Variants in NCOA6 observed in about 807,000 individuals in gnomAD.
The protein encoded by NCOA6 is NRC RAP250.
A neutral mutation model predicts 171.4 loss-of-function variants in NCOA6; 49 were observed. That is an observed-to-expected ratio of 0.29 (90% confidence interval 0.23 to 0.36). The LOEUF (loss-of-function observed/expected upper bound fraction) is 0.36. Among genes scored for constraint, NCOA6 ranks in the 10% least tolerant of loss-of-function variants. The pLI, the probability that NCOA6 is intolerant of heterozygous loss-of-function variation, is 1.00. For synonymous variants in NCOA6, 910 were observed against 927.5 expected (o/e 0.98, Z 0.34); for missense variants, 2,248 against 2,554.5 (o/e 0.88, Z 2.59).
At chr20:34,744,198 T>C (rs570016489) in intron 10 of NCOA6, among the ~76,000 whole-genome samples, 2 of 152,230 alleles carry the variant, frequency 1.3e-5, no homozygotes, top group Non-Finnish European at 2.9e-5. Flanking sequence ...GGCAGAAGCA[T>C]AGCCCTCAGG....
chr20:34,813,468 A>G (rs1299315145), intron 1 of NCOA6, among the ~76,000 whole-genome samples: 1 of 151,130 alleles, frequency 6.6e-6, no homozygotes, highest in Non-Finnish European at 1.5e-5. Context: ...TCTGTCTTAA[A>G]AAAAAAAAAA....
At chr20:34,792,984 T>C (rs954483155) in intron 1 of NCOA6, among the ~76,000 whole-genome samples, 1 of 151,986 alleles carries the variant, frequency 6.6e-6, no homozygotes, top group African/African-American at 2.4e-5. Context: ...GGTTTCACCA[T>C]GTTGCCCAGG....
intron 1 of NCOA6, among the ~76,000 whole-genome samples, chr20:34,797,443 C>T (rs961607621): frequency 6.6e-6 from 1 of 152,046 alleles, no homozygotes; most frequent in Non-Finnish European, 1.5e-5. Flanking sequence ...ATTAAAGACC[C>T]ATGAGGCCCC....
chr20:34,733,449 TG>T (rs1174533452), intron 12 of NCOA6, among the ~76,000 whole-genome samples: 1 of 152,176 alleles, frequency 6.6e-6, no homozygotes, highest in Non-Finnish European at 1.5e-5. Flanking sequence ...TCAGAGTGCC[TG>T]GTTCAAAATT....
chr20:34,764,367 G>A (rs1252231833), intron 5 of NCOA6, among the ~76,000 whole-genome samples: 1 of 152,152 alleles, frequency 6.6e-6, no homozygotes, highest in Admixed American at 6.5e-5. Context: ...GATTACGGGT[G>A]TCAGCCACAG....
chr20:34,803,296 C>T (rs187039869), intron 1 of NCOA6, among the ~76,000 whole-genome samples: 66 of 151,904 alleles, frequency 4.3e-4, no homozygotes, highest in South Asian at 2.9e-3. Flanking sequence ...GGTAAAACCT[C>T]GTCTTTACTA....
At chr20:34,738,482 C>T (rs2076024322) in intron 11 of NCOA6, among the ~76,000 whole-genome samples, 1 of 152,138 alleles carries the variant, frequency 6.6e-6, no homozygotes, top group Admixed American at 6.5e-5. Context: ...TTAATTTACA[C>T]CAGGTTCCCT....
rs781133206 is a variant in NCOA6, at chr20:34,749,806, T to C, written c.2389A>G (p.Met797Val). ...GCAGGATCACCATGCTGCTGGGCCA[T>C]GTGTGGGCTGGGCCCTGGTGGCCGC... ...VLRPPGPSPH[M>V]AQQHGDPATT... Residue 797 changes from methionine (M) to valine (V), a missense_variant, in exon 9 of 15, where the codon ATG (methionine) becomes GTG (valine). Around this residue, in one of 7 missense-constraint regions of NCOA6, gnomAD observed 987 missense variants for 1,104.7 expected, o/e 0.89. Transcript: ENST00000359003. 3.5e-5 allele frequency: 56 copies of C among 1,614,092 alleles called. No individual in the cohort carries two copies. The Admixed American group carries it at 7.7e-4, about 22-fold the overall frequency.
At chr20:34,810,546 T>C (rs1477465400) in intron 1 of NCOA6, among the ~76,000 whole-genome samples, 1 of 151,724 alleles carries the variant, frequency 6.6e-6, no homozygotes, top group Non-Finnish European at 1.5e-5. Context: ...CAACCATTTT[T>C]TTTCTTTTTT....
intron 1 of NCOA6, among the ~76,000 whole-genome samples, chr20:34,812,408 TACA>T (rs1214257702): frequency 6.6e-6 from 1 of 152,178 alleles, no homozygotes; most frequent in Non-Finnish European, 1.5e-5. Context: ...GGCATTTCAA[TACA>T]ACAACCCTGG....
At position 34,754,724 on chromosome 20, in the gene NCOA6, G is replaced by C; in HGVS notation, c.1673C>G (p.Ala558Gly). ...QLQANQNVQH[A>G]GGQGAGPPQN... ...TAAACAAATCACAGAAAACAAACCT[G>C]CATGCTGGACATTTTGATTTGCTTG... is the stretch of plus-strand genomic sequence containing the variant. The change falls in exon 8 of 15, where the codon GCA becomes GGA. Residue 558 changes from alanine to glycine, a missense_variant and splice_region_variant. Around this residue, in one of 7 missense-constraint regions of NCOA6, gnomAD observed 987 missense variants for 1,104.7 expected, o/e 0.89. Coordinates refer to ENST00000359003, the MANE Select transcript of NCOA6 (RefSeq NM_014071.5). 1.2e-6 allele frequency: 2 copies of C among 1,614,102 alleles called. No individual in the cohort carries two copies. Among genetic ancestry groups the C allele is most frequent in the Non-Finnish European group, 1.7e-6 (2 of 1,180,018 alleles).
chr20:34,740,282 A>T, intron 11 of NCOA6, 81 bp downstream of exon 11: 2 of 1,503,550 alleles, frequency 1.3e-6, no homozygotes, highest in Non-Finnish European at 1.8e-6. Flanking sequence ...CCTCCAAGTA[A>T]AAAAGGAGTC....
At chr20:34,813,602 C>T (rs905293979) in intron 1 of NCOA6, among the ~76,000 whole-genome samples, 2 of 151,892 alleles carry the variant, frequency 1.3e-5, no homozygotes, top group African/African-American at 4.8e-5. Flanking sequence ...TCCTTACTTG[C>T]AGGTGATGTG....
intron 1 of NCOA6, among the ~76,000 whole-genome samples, chr20:34,792,833 G>A (rs2077935435): frequency 6.9e-6 from 1 of 144,538 alleles, no homozygotes. Context: ...AGGCTGGAGT[G>A]CAGTAACAGA....
In NCOA6 at chr20:34,757,277, C is replaced by T; in HGVS notation, c.1471G>A (p.Val491Met). ...TGGTTTGGTGGTTGCTGCTGCATCA[C>T]CATGAAGTTAGGTGGCACATTTCCC... is the stretch of plus-strand genomic sequence containing the variant. ...QQGNVPPNFM[V>M]MQQQPPNQGP... Residue 491 changes from valine (V) to methionine (M), a missense_variant, in exon 7 of 15, where the codon GTG becomes ATG. Around this residue, in one of 7 missense-constraint regions of NCOA6, gnomAD observed 987 missense variants for 1,104.7 expected, o/e 0.89. Coordinates refer to ENST00000359003, the MANE Select transcript of NCOA6 (RefSeq NM_014071.5). 6.2e-7 allele frequency: 1 copy of T among 1,612,358 alleles called. No individual in the cohort carries two copies. The highest frequency in any genetic ancestry group is 1.3e-5 in the African/African-American group (1 of 75,044).
intron 10 of NCOA6, 99 bp from the exon 11 acceptor site, chr20:34,743,440 G>A (rs2076212684): frequency 6.2e-6 from 8 of 1,293,644 alleles, no homozygotes; most frequent in Non-Finnish European, 8.5e-6. Flanking sequence ...AGGTGGCACA[G>A]ACTATGCACA....
rs757636349 is a variant in NCOA6, at chr20:34,740,580, G to A, written c.5676C>T (p.Ser1892=). ...CTGAGGCAGTGCCCGGGCCCACAGG[G>A]CTAGAGGTCATTTTTAGCAGAGTGG... ...PAPTLLKMTS[S]PVGPGTASAG... is the part of the protein sequence containing the mutation. The change falls in exon 11 of 15, where the codon AGC becomes AGT. Residue 1892 remains serine (S), a synonymous_variant. Transcript: ENST00000359003. 1.2e-6 allele frequency: 2 copies of A among 1,614,076 alleles called. No individual in the cohort carries two copies. The highest frequency in any genetic ancestry group is 1.3e-5 in the African/African-American group (1 of 74,936).
rs560155280 is a variant in NCOA6, at chr20:34,750,522, T to TAA, written c.1676-5_1676-4dup. On this transcript the variant is annotated splice_polypyrimidine_tract_variant and splice_region_variant and intron_variant, in intron 8 of 14. Transcript: ENST00000359003. ...AGGAGGACCAGCTCCTTGACCACCT[T>TAA]AAAAAAAAAAAAAGTCACAGTTTCA... is the stretch of plus-strand genomic sequence containing the variant. 2.1e-4 allele frequency: 280 copies of TAA among 1,309,588 alleles called. No homozygotes were observed. The highest frequency in any genetic ancestry group is 1.0e-3 in the African/African-American group (66 of 64,366). 81.1% of individuals were successfully genotyped at this position (1,309,588 alleles called of 1,614,324 possible).
At position 34,817,211 on chromosome 20, in the gene NCOA6, G is replaced by A. The variant is rs866597087; in HGVS notation, c.-164+8261C>T. On this transcript the variant is annotated intron_variant, in intron 1 of 14. Coordinates refer to ENST00000359003, the MANE Select transcript of NCOA6 (RefSeq NM_014071.5). Reference sequence around the variant, plus strand: ...CTGATATTCAACAGATTCAATATCAGTAAAGGAGCTGATTAATGGGAACTT... The same window carrying A: ...CTGATATTCAACAGATTCAATATCAATAAAGGAGCTGATTAATGGGAACTT... Among the ~76,000 whole-genome samples, 28 of 67,626 alleles carry A rather than the reference G, an allele frequency of 4.1e-4. 7 individuals are homozygous for A. The highest frequency in any genetic ancestry group is 1.5e-3 in the South Asian group (3 of 1,986). 44.4% of individuals were successfully genotyped at this position (67,626 alleles called of 152,430 possible).
Sources: allele counts gnomAD v4.1 joint callset (sites outside exome capture counted in the v4.1 genomes callset), GRCh38; gene constraint gnomAD v4.1.1; regional missense constraint gnomAD v4.1.1; transcripts MANE v1.5; gene names NCBI Gene and HGNC (gene_info 2026-07-23, HGNC 2026-07-21).